KMO: variants seen among roughly 807,000 people sequenced by gnomAD.
KMO encodes kynurenine 3-hydroxylase.
Under a neutral mutation model 57.8 loss-of-function variants are expected in KMO, and 24 were observed. The observed-to-expected ratio is 0.42, with a 90% CI of 0.30 to 0.58. The LOEUF is 0.58. Ranked by LOEUF, KMO falls within the 20% of genes least tolerant of loss-of-function variation. The pLI is 0.22. For synonymous variants in KMO, 210 were observed against 193.6 expected (o/e 1.08, Z -0.70); for missense variants, 483 against 588.2 (o/e 0.82, Z 1.85).
At chr1:241,535,892 G>T (rs1174989817) in intron 1 of KMO, among the ~76,000 whole-genome samples, 1 of 152,146 alleles carries the variant, frequency 6.6e-6, no homozygotes, top group Non-Finnish European at 1.5e-5. Flanking sequence ...ATTATCAAAT[G>T]CTGCCTTCTA....
intron 14 of KMO, among the ~76,000 whole-genome samples, chr1:241,590,868 C>T (rs989283200): frequency 5.9e-5 from 9 of 152,206 alleles, no homozygotes; most frequent in African/African-American, 1.9e-4. Context: ...GAGAGATAAA[C>T]TGCCCCCGAG....
chr1:241,590,483 A>T (rs897184470), intron 14 of KMO, among the ~76,000 whole-genome samples: 1 of 152,228 alleles, frequency 6.6e-6, no homozygotes, highest in African/African-American at 2.4e-5. Context: ...GAATCTCAAG[A>T]TAGAAACTGA....
rs1184041710 is a variant in KMO at position 241,594,541 on chromosome 1, A to G, written c.*2388A>G. 5 of 1,614,122 alleles carry G rather than the reference A, an allele frequency of 3.1e-6. No homozygotes were observed. In the South Asian group the frequency reaches 5.5e-5, roughly 18 times the overall value. On this transcript the variant is annotated 3_prime_UTR_variant, in exon 15 of 15. Transcript: ENST00000366559. ...ATAAAAATGATGGAAGAAGAGTTGA[A>G]AGTCACTTTTTTCTTTGGCCTGTCC...
At chr1:241,577,782 G>A (rs12121149) in intron 10 of KMO, among the ~76,000 whole-genome samples, 3,217 of 152,250 alleles carry the variant, frequency 0.021, 51 homozygotes, top group Non-Finnish European at 0.032. Flanking sequence ...AAAGCAGGTG[G>A]GTAAATGCAA....
intron 1 of KMO, among the ~76,000 whole-genome samples, chr1:241,547,854 A>G (rs1348420771): frequency 2.6e-5 from 4 of 152,220 alleles, no homozygotes; most frequent in Non-Finnish European, 4.4e-5. Context: ...AAGTTATCAT[A>G]TATGTACCAG....
chr1:241,557,916 A>G (rs948423117), intron 5 of KMO, among the ~76,000 whole-genome samples: 2 of 152,246 alleles, frequency 1.3e-5, no homozygotes, highest in African/African-American at 4.8e-5. Context: ...CTCTCAATCT[A>G]TCAAGATAAA....
chr1:241,568,536 C>T lies in KMO; in HGVS notation c.846C>T (p.Ala282=). The T allele has an allele frequency of 1.9e-6, 3 of 1,613,680 alleles. No individual in the cohort carries two copies. Among genetic ancestry groups the T allele is most frequent in the Non-Finnish European group, 2.5e-6 (3 of 1,179,712 alleles). The change falls in exon 10 of 15, where the codon GCC becomes GCT. Residue 282 remains alanine (A), a synonymous_variant. Coordinates refer to ENST00000366559, the MANE Select transcript of KMO (RefSeq NM_003679.5). ...LLVQDFFLLP[A]QPMISVKCSS... is the part of the protein sequence containing the mutation. Reference sequence around the variant, plus strand: ...TGCAAGATTTCTTCCTGTTGCCTGCCCAGCCCATGATATCTGTAAAGTGCT... The same window carrying T: ...TGCAAGATTTCTTCCTGTTGCCTGCTCAGCCCATGATATCTGTAAAGTGCT...
intron 3 of KMO, chr1:241,549,986 T>G (rs1171142606): frequency 2.0e-6 from 1 of 506,542 alleles, no homozygotes; most frequent in Non-Finnish European, 3.5e-6. Context: ...ACCGGATGAT[T>G]GCTTCTGATA....
Position 241,556,802 on chromosome 1 carries a change from T to C in KMO, c.361+1142T>C, listed in dbSNP as rs143014913. Reference sequence around the variant, plus strand: ...TACTCGGGAGGCTGAGGCAGGAGAATTGCTTGAACCCAGGAGGCGGAGGTT... The same window carrying C: ...TACTCGGGAGGCTGAGGCAGGAGAACTGCTTGAACCCAGGAGGCGGAGGTT... On this transcript the variant is annotated intron_variant, in intron 5 of 14. Coordinates refer to ENST00000366559, the MANE Select transcript of KMO (RefSeq NM_003679.5). 6.4e-3 allele frequency among the ~76,000 whole-genome samples: 971 copies of C among 152,136 alleles called. 14 individuals are homozygous for C. The highest frequency in any genetic ancestry group is 0.022 in the African/African-American group (918 of 41,524).
chr1:241,555,946 G>A (rs1466243739), intron 5 of KMO: 5 of 255,430 alleles, frequency 2.0e-5, no homozygotes, highest in Admixed American at 5.2e-5. Flanking sequence ...TTAGCTGGGT[G>A]TAGAAGCGTG....
chr1:241,559,060 A>AT (rs1661740604), intron 5 of KMO, among the ~76,000 whole-genome samples: 1 of 151,802 alleles, frequency 6.6e-6, no homozygotes, highest in Non-Finnish European at 1.5e-5. Context: ...AGATCATGCC[A>AT]TTGCACTCCA....
At chr1:241,536,028 C>T (rs916505268) in intron 1 of KMO, among the ~76,000 whole-genome samples, 1 of 152,112 alleles carries the variant, frequency 6.6e-6, no homozygotes, top group Non-Finnish European at 1.5e-5. Context: ...ATGTGAGCCA[C>T]ACTAAAATAT....
chr1:241,571,707 G>T (rs1662285302), intron 10 of KMO, among the ~76,000 whole-genome samples: 1 of 151,846 alleles, frequency 6.6e-6, no homozygotes, highest in African/African-American at 2.4e-5. Context: ...GATAATCTTT[G>T]CATCTATGTT....
Position 241,592,028 on chromosome 1 carries a change from T to TCACCA in KMO, c.1338_1342dup (p.Arg448HisfsTer8), listed in dbSNP as rs772595606. 1.2e-6 allele frequency: 2 copies of TCACCA among 1,614,004 alleles called. No homozygotes were observed. Among genetic ancestry groups the TCACCA allele is most frequent in the Non-Finnish European group, 1.7e-6 (2 of 1,179,916 alleles). ...TACCTACCTACTTATACACTACATG[T>TCACCA]CACCACGATCTTTCCTCCGCTTGAG... On this transcript the variant is annotated frameshift_variant, in exon 15 of 15. Transcript: ENST00000366559. LOFTEE classifies it low-confidence loss of function (END_TRUNC).
intron 10 of KMO, among the ~76,000 whole-genome samples, chr1:241,576,021 T>C (rs1012444190): frequency 2.2e-5 from 3 of 133,486 alleles, no homozygotes; most frequent in Non-Finnish European, 4.9e-5. Context: ...TGGCCTTCTT[T>C]GTCTTTTTTT....
Position 241,593,606 on chromosome 1 carries a change from C to T in KMO, c.*1453C>T, listed in dbSNP as rs543560328. Reference sequence around the variant, plus strand: ...GCCCCTATAACAAAAGACAGATTGACAAGAGAAAAACAAACATAAATTTAT... The same window carrying T: ...GCCCCTATAACAAAAGACAGATTGATAAGAGAAAAACAAACATAAATTTAT... On this transcript the variant is annotated 3_prime_UTR_variant, in exon 15 of 15. Transcript: ENST00000366559. 18 of 220,444 alleles carry T rather than the reference C, an allele frequency of 8.2e-5. No homozygotes were observed. Among genetic ancestry groups the T allele is most frequent in the Non-Finnish European group, 1.6e-4 (16 of 101,228 alleles). 13.7% of individuals were successfully genotyped at this position (220,444 alleles called of 1,614,324 possible).
intron 10 of KMO, among the ~76,000 whole-genome samples, chr1:241,583,019 C>T (rs1470876494): frequency 4.6e-5 from 7 of 152,186 alleles, no homozygotes; most frequent in Non-Finnish European, 1.0e-4. Flanking sequence ...CCCAGGAATG[C>T]TACAACTCTT....
At chr1:241,539,857 G>A (rs932352698) in intron 1 of KMO, among the ~76,000 whole-genome samples, 2 of 152,102 alleles carry the variant, frequency 1.3e-5, no homozygotes, top group Non-Finnish European at 1.5e-5. Context: ...TTGCCCTTTG[G>A]TGGGCCATTT....
At chr1:241,537,827 A>G (rs939598439) in intron 1 of KMO, among the ~76,000 whole-genome samples, 1 of 152,122 alleles carries the variant, frequency 6.6e-6, no homozygotes, top group Admixed American at 6.6e-5. Context: ...GAAAGACCCA[A>G]TCCCATGATT....
Sources: allele counts gnomAD v4.1 joint callset (sites outside exome capture counted in the v4.1 genomes callset), GRCh38; gene constraint gnomAD v4.1.1; transcripts MANE v1.5; gene names NCBI Gene and HGNC (gene_info 2026-07-23, HGNC 2026-07-21).